Variants in SEC61A2 observed in about 807,000 individuals in gnomAD.
SEC61A2 encodes the protein SEC61 translocon subunit alpha 2.
In SEC61A2, 28 loss-of-function variants were observed where a neutral mutation model predicts 59.9. The observed-to-expected ratio is 0.47, with a 90% CI of 0.35 to 0.64. The LOEUF (loss-of-function observed/expected upper bound fraction) is 0.64. Among genes scored for constraint, SEC61A2 ranks in the 30% least tolerant of loss-of-function variants. The pLI is 0.01. For missense variants in SEC61A2, 340 were observed against 585.9 expected (o/e 0.58, Z 4.33); for synonymous variants, 202 against 214.4 (o/e 0.94, Z 0.50).
chr10:12,160,957 T>C lies in SEC61A2; in HGVS notation c.1003T>C (p.Ser335Pro). The change falls in exon 10 of 12, where the codon TCT (serine) becomes CCT (proline). Residue 335 changes from serine (S) to proline (P), a missense_variant. Ser to Pro is a moderately conservative substitution (Grantham distance 74, BLOSUM62 -1). Transcript: ENST00000298428. This position sits in a 1 kb window ranked among gnomAD's most constrained non-coding sequence, Gnocchi z 4.1. ...ADVSGGGPARSYPVGGLCYYL... is the reference protein window; with the variant it reads ...ADVSGGGPARPYPVGGLCYYL... Reference sequence around the variant, plus strand: ...TGTCAGTGGGGGAGGACCCGCACGTTCTTACCCAGTTGGAGGCCTTTGTTA... The same window carrying C: ...TGTCAGTGGGGGAGGACCCGCACGTCCTTACCCAGTTGGAGGCCTTTGTTA... The C allele has an allele frequency of 6.2e-7, 1 of 1,614,002 alleles. No homozygotes were observed. Among genetic ancestry groups the C allele is most frequent in the Non-Finnish European group, 8.5e-7 (1 of 1,179,946 alleles).
chr10:12,157,803 C>T, intron 8 of SEC61A2, 105 bp from the exon 9 acceptor site: 1 of 1,070,414 alleles, frequency 9.3e-7, no homozygotes, highest in Non-Finnish European at 1.4e-6. Flanking sequence ...GCCCGGCCGG[C>T]ATTGTCTTTT....
chr10:12,134,375 C>G (rs1286400674), intron 2 of SEC61A2, among the ~76,000 whole-genome samples: 1 of 152,162 alleles, frequency 6.6e-6, no homozygotes, highest in Non-Finnish European at 1.5e-5. Flanking sequence ...TCCTGAGAAA[C>G]CCTGGCTTTG....
At position 12,162,025 on chromosome 10, in the gene SEC61A2, G is replaced by C. The variant is rs892774231; in HGVS notation, c.1168-188G>C. On this transcript the variant is annotated intron_variant, in intron 10 of 11. Coordinates refer to ENST00000298428, the MANE Select transcript of SEC61A2 (RefSeq NM_018144.4). The surrounding 1 kb of genome is among the most constrained non-coding windows in gnomAD (Gnocchi z 6.1). ...GGTTGAGAAGCACCGGTTTCATATG[G>C]GTAACATGGAGCGGAGGAGCACTGA... is the stretch of plus-strand genomic sequence containing the variant. Among the ~76,000 whole-genome samples the C allele has an allele frequency of 3.3e-5, 5 of 152,084 alleles. No individual in the cohort carries two copies. Among genetic ancestry groups the C allele is most frequent in the Non-Finnish European group, 5.9e-5 (4 of 68,012 alleles).
At chr10:12,135,890 T>C (rs1387974759) in intron 2 of SEC61A2, among the ~76,000 whole-genome samples, 1 of 152,244 alleles carries the variant, frequency 6.6e-6, no homozygotes, top group East Asian at 1.9e-4. Flanking sequence ...TGTGTGTCTG[T>C]ATATATGTGT....
chr10:12,159,655 A>G (rs1307359915), intron 9 of SEC61A2, among the ~76,000 whole-genome samples: 1 of 152,162 alleles, frequency 6.6e-6, no homozygotes, highest in Non-Finnish European at 1.5e-5. Context: ...ATACCACTGC[A>G]TGCCAGCCTG....
intron 3 of SEC61A2, among the ~76,000 whole-genome samples, chr10:12,141,860 A>G (rs4294490): frequency 0.84 from 127,696 of 152,012 alleles, 54,194 homozygotes; most frequent in Middle Eastern, 0.94. Context: ...TGAAAGGGCC[A>G]TATATGCAAA....
chr10:12,133,159 T>C (rs979250046), intron 1 of SEC61A2, 82 bp from the exon 2 acceptor site: 2 of 699,584 alleles, frequency 2.9e-6, no homozygotes, highest in African/African-American at 3.6e-5. Flanking sequence ...TGAAAGAGAA[T>C]CTTTGTATTT....
rs12242716 is a variant in SEC61A2, at chr10:12,156,640, T to C, written c.617-267T>C. The stretch of plus-strand genomic sequence containing the variant: ...AGAGGCAAATCTCTATGAATGAAAT[T>C]TTGCTTTGGTAAATTTTACGTTGTA... On this transcript the variant is annotated intron_variant, in intron 7 of 11. Transcript: ENST00000298428. The surrounding 1 kb of genome is among the most constrained non-coding windows in gnomAD (Gnocchi z 5.2). Among the ~76,000 whole-genome samples the C allele has an allele frequency of 3.2e-4, 48 of 152,208 alleles. No homozygotes were observed. Among genetic ancestry groups the C allele is most frequent in the African/African-American group, 1.2e-3 (48 of 41,446 alleles).
chr10:12,164,986 C>T lies in SEC61A2; in HGVS notation c.*532C>T. ...TCCCTTCTCAAAGCAGCCACTTAGC[C>T]CACATGGGCGAAATCAAGTCTCCAG... On this transcript the variant is annotated 3_prime_UTR_variant, in exon 12 of 12. Coordinates refer to ENST00000298428, the MANE Select transcript of SEC61A2 (RefSeq NM_018144.4). This position sits in a 1 kb window ranked among gnomAD's most constrained non-coding sequence, Gnocchi z 7.3. The T allele has an allele frequency of 2.0e-6, 2 of 985,022 alleles. No individual in the cohort carries two copies. The highest frequency in any genetic ancestry group is 1.2e-6 in the Non-Finnish European group (1 of 829,942). The allele number at this position is 985,022 out of a possible 1,614,324, so 61.0% of individuals were successfully genotyped here. A position where few individuals can be genotyped will look rare whatever the true frequency, so the allele number is the denominator to read the frequency against.
chr10:12,148,465 G>C (rs1199654049), intron 4 of SEC61A2, among the ~76,000 whole-genome samples: 3 of 149,316 alleles, frequency 2.0e-5, no homozygotes, highest in African/African-American at 7.4e-5. Context: ...GGCTGGTCTC[G>C]AACTCCTGAC....
At chr10:12,167,976 A>C, downstream of SEC61A2, 1 of 1,297,128 alleles carries the variant, frequency 7.7e-7, no homozygotes, top group Non-Finnish European at 1.0e-6. Flanking sequence ...AATAAAGACT[A>C]TAAAGGCAAG....
chr10:12,136,879 T>G (rs986983672), intron 3 of SEC61A2, among the ~76,000 whole-genome samples: 16 of 152,230 alleles, frequency 1.1e-4, no homozygotes, highest in Non-Finnish European at 1.0e-4. Flanking sequence ...ATCCACCTTC[T>G]TCAGCCTCCC....
intron 4 of SEC61A2, among the ~76,000 whole-genome samples, chr10:12,146,765 G>A (rs994263609): frequency 1.9e-4 from 29 of 151,736 alleles, no homozygotes; most frequent in Admixed American, 9.8e-4. Flanking sequence ...TGATCCGCCC[G>A]CCTCAGCCTC....
Position 12,152,020 on chromosome 10 carries a change from T to C in SEC61A2, c.462+2059T>C, listed in dbSNP as rs939251613. Among the ~76,000 whole-genome samples the C allele has an allele frequency of 2.6e-5, 4 of 152,248 alleles. No individual in the cohort carries two copies. Among genetic ancestry groups the C allele is most frequent in the African/African-American group, 4.8e-5 (2 of 41,466 alleles). On this transcript the variant is annotated intron_variant, in intron 6 of 11. Coordinates refer to ENST00000298428, the MANE Select transcript of SEC61A2 (RefSeq NM_018144.4). This position sits in a 1 kb window ranked among gnomAD's most constrained non-coding sequence, Gnocchi z 5.5. ...AAGTTATGCTGTTCAAGTATTTATT[T>C]AGCATTGTTAACAATAAACATGACT...
At chr10:12,139,764 A>G (rs544018642) in intron 3 of SEC61A2, among the ~76,000 whole-genome samples, 1 of 152,186 alleles carries the variant, frequency 6.6e-6, no homozygotes, top group Non-Finnish European at 1.5e-5. Flanking sequence ...AGTCTGGGCG[A>G]CAGAGCGAGA....
At position 12,158,849 on chromosome 10, in the gene SEC61A2, T is replaced by TGGCA. The variant is rs1588644940; in HGVS notation, c.975+745_975+748dup. 6.6e-6 allele frequency among the ~76,000 whole-genome samples: 1 copy of TGGCA among 152,222 alleles called. No individual in the cohort carries two copies. The highest frequency in any genetic ancestry group is 1.9e-4 in the East Asian group (1 of 5,202). Reference sequence around the variant, plus strand: ...CCTCCTCCATTTTTCATGGTCTGAATGGCAATAAGCCAGCTTGTGATGAGC... The same window carrying TGGCA: ...CCTCCTCCATTTTTCATGGTCTGAATGGCAGGCAATAAGCCAGCTTGTGATGAGC... On this transcript the variant is annotated intron_variant, in intron 9 of 11. Coordinates refer to ENST00000298428, the MANE Select transcript of SEC61A2 (RefSeq NM_018144.4). This position sits in a 1 kb window ranked among gnomAD's most constrained non-coding sequence, Gnocchi z 5.7.
intron 4 of SEC61A2, among the ~76,000 whole-genome samples, chr10:12,148,728 C>T (rs1055474722): frequency 4.0e-5 from 6 of 148,704 alleles, no homozygotes; most frequent in Non-Finnish European, 5.9e-5. Context: ...TCAGTAGAGA[C>T]GGCCAGGATG....
In SEC61A2 at chr10:12,136,179, C is replaced by G. The variant is rs765894447; in HGVS notation, c.141+9C>G. 2 of 1,508,904 alleles carry G rather than the reference C, an allele frequency of 1.3e-6. No individual in the cohort carries two copies. 93.5% of individuals were successfully genotyped at this position (1,508,904 alleles called of 1,614,324 possible). A position where few individuals can be genotyped will look rare whatever the true frequency, so the allele number is the denominator to read the frequency against. ...TCTTAGTGTGTTGTCAGGTATGTAACTATACTATTAAATAAATGTCTGCAC... is the reference window on the plus strand; with the variant it reads ...TCTTAGTGTGTTGTCAGGTATGTAAGTATACTATTAAATAAATGTCTGCAC... On this transcript the variant is annotated intron_variant, in intron 3 of 11. Transcript: ENST00000298428.
downstream of SEC61A2, among the ~76,000 whole-genome samples, chr10:12,168,213 C>T (rs1446685941): frequency 6.6e-6 from 1 of 151,994 alleles, no homozygotes; most frequent in Non-Finnish European, 1.5e-5. The surrounding 1 kb of genome is among the most constrained non-coding windows in gnomAD (Gnocchi z 4.8). Context: ...TTAGTAGAGA[C>T]GGGGTTTTTG....
Sources: gnomAD v4.1 joint callset for allele counts (sites outside exome capture counted in the v4.1 genomes callset) on GRCh38, gnomAD v4.1.1 for gene constraint, Gnocchi (gnomAD v3.1) non-coding constraint, MANE v1.5 for transcripts, NCBI Gene and HGNC (gene_info 2026-07-23, HGNC 2026-07-21) for gene names.